The following LARP4B variants were observed in gnomAD, a reference collection of about 807,000 sequenced individuals.
LARP4B encodes La ribonucleoprotein 4B, also known as la-related protein 4B.
A neutral mutation model predicts 89.8 loss-of-function variants in LARP4B; 12 were observed. The ratio of observed to expected loss-of-function variants is 0.13; its 90% confidence interval spans 0.09 to 0.22. LARP4B has a LOEUF of 0.22. Ranked by LOEUF, LARP4B falls within the 10% of genes least tolerant of loss-of-function variation. The pLI is 1.00. For missense variants in LARP4B, 757 were observed against 947.7 expected (o/e 0.80, Z 2.64); for synonymous variants, 367 against 363.3 (o/e 1.01, Z -0.12).
intron 1 of LARP4B, among the ~76,000 whole-genome samples, chr10:917,673 G>A (rs1391950587): frequency 6.6e-6 from 1 of 152,214 alleles, no homozygotes; most frequent in Non-Finnish European, 1.5e-5. Context: ...ACCTCAAGAA[G>A]AGAGGAATTC....
chr10:909,020 C>T (rs1263210906), intron 1 of LARP4B, among the ~76,000 whole-genome samples: 12 of 152,186 alleles, frequency 7.9e-5, no homozygotes, highest in South Asian at 4.2e-4. Context: ...TGCGGCCAGG[C>T]GCGGTGGCTC....
the LARP4B span, among the ~76,000 whole-genome samples, chr10:970,808 A>G: frequency 0.98 from 149,158 of 152,112 alleles, 73,200 homozygotes; most frequent in Middle Eastern, 1. Context: ...AAGCAGAGCC[A>G]GAGGGATTAG....
intron 4 of LARP4B, 111 bp from the exon 5 acceptor site, chr10:863,994 G>A: frequency 1.3e-6 from 2 of 1,544,622 alleles, no homozygotes; most frequent in Non-Finnish European, 1.8e-6. Flanking sequence ...AAGACCTCTG[G>A]GCTCTCAAGC....
At chr10:912,227 C>T (rs1490739475) in intron 1 of LARP4B, among the ~76,000 whole-genome samples, 1 of 151,738 alleles carries the variant, frequency 6.6e-6, no homozygotes, top group Non-Finnish European at 1.5e-5. Context: ...CTGGGCCACA[C>T]TGATCTTGGG....
At chr10:968,737 G>A in the LARP4B span, among the ~76,000 whole-genome samples, 2 of 152,252 alleles carry the variant, frequency 1.3e-5, no homozygotes, top group African/African-American at 2.4e-5. Flanking sequence ...GGCAACATCG[G>A]GAGGAAATGC....
intron 7 of LARP4B, among the ~76,000 whole-genome samples, chr10:837,518 G>A (rs1833284099): frequency 6.6e-6 from 1 of 152,184 alleles, no homozygotes; most frequent in African/African-American, 2.4e-5. Flanking sequence ...AAGGGCCACA[G>A]CAAAGCTGGA....
At chr10:877,084 G>A (rs1835486232) in intron 3 of LARP4B, among the ~76,000 whole-genome samples, 1 of 152,178 alleles carries the variant, frequency 6.6e-6, no homozygotes, top group African/African-American at 2.4e-5. Flanking sequence ...CAAGCCTGTG[G>A]AGGGCCCCCA....
chr10:849,722 T>C (rs1052688927), intron 5 of LARP4B, among the ~76,000 whole-genome samples: 2 of 152,134 alleles, frequency 1.3e-5, no homozygotes, highest in Admixed American at 6.5e-5. Context: ...GTGATCAAGA[T>C]CAACACCAAC....
At chr10:908,457 T>C (rs58645764) in intron 1 of LARP4B, among the ~76,000 whole-genome samples, 1,882 of 152,172 alleles carry the variant, frequency 0.012, 42 homozygotes, top group African/African-American at 0.043. Flanking sequence ...GCCATGGGGA[T>C]CCTAGGAAGC....
Position 822,524 on chromosome 10 carries a change from G to A in LARP4B, c.1485-1679C>T, listed in dbSNP as rs1289582793. On this transcript the variant is annotated intron_variant, in intron 13 of 17. Coordinates refer to ENST00000316157, the MANE Select transcript of LARP4B (RefSeq NM_015155.3). This position sits in a 1 kb window ranked among gnomAD's most constrained non-coding sequence, Gnocchi z 4.6. ...CAACACTCCCCCACACCCTCACTGG[G>A]CTCCACGTAACCCGTGTCAGACCCA... Among the ~76,000 whole-genome samples the A allele has an allele frequency of 6.6e-6, 1 of 152,174 alleles. No homozygotes were observed. Among genetic ancestry groups the A allele is most frequent in the Non-Finnish European group, 1.5e-5 (1 of 68,026 alleles).
the LARP4B span, among the ~76,000 whole-genome samples, chr10:973,777 A>G: frequency 4.6e-5 from 7 of 152,144 alleles, no homozygotes; most frequent in East Asian, 1.9e-4. Context: ...GGTTACATGC[A>G]CTAGATCTTA....
In LARP4B at chr10:814,890, T is replaced by C. The variant is rs1381562692; in HGVS notation, c.1821-40A>G. 6.3e-7 allele frequency: 1 copy of C among 1,579,666 alleles called. No individual in the cohort carries two copies. The highest frequency in any genetic ancestry group is 1.3e-5 in the African/African-American group (1 of 74,352). Reference sequence around the variant, plus strand: ...CCCGATATTTGAATCTCATGCAACATCACAGGCCATTCAAGTCAGTCAACA... The same window carrying C: ...CCCGATATTTGAATCTCATGCAACACCACAGGCCATTCAAGTCAGTCAACA... On this transcript the variant is annotated intron_variant, in intron 16 of 17. Coordinates refer to ENST00000316157, the MANE Select transcript of LARP4B (RefSeq NM_015155.3). The surrounding 1 kb of genome is among the most constrained non-coding windows in gnomAD (Gnocchi z 4.4).
chr10:817,338 C>T (rs1169419680), intron 15 of LARP4B, among the ~76,000 whole-genome samples: 2 of 152,224 alleles, frequency 1.3e-5, no homozygotes, highest in African/African-American at 4.8e-5. Context: ...CTCCTTGTCT[C>T]ATGTAGATTA....
the LARP4B span, among the ~76,000 whole-genome samples, chr10:981,176 C>T: frequency 6.6e-6 from 1 of 152,214 alleles, no homozygotes; most frequent in African/African-American, 2.4e-5. Context: ...CAATAATTTC[C>T]TCATTTCTAT....
chr10:927,370 G>C (rs2132063449), intron 1 of LARP4B, among the ~76,000 whole-genome samples: 1 of 152,234 alleles, frequency 6.6e-6, no homozygotes, highest in South Asian at 2.1e-4. Context: ...TTACACACAG[G>C]AAAAACAAAG....
chr10:932,759 G>T (rs1213298379), upstream of LARP4B, among the ~76,000 whole-genome samples: 1 of 129,216 alleles, frequency 7.7e-6, no homozygotes, highest in East Asian at 2.4e-4. Flanking sequence ...GAAGGTCCCG[G>T]CCCCGAAGTC....
At chr10:979,436 A>G in the LARP4B span, among the ~76,000 whole-genome samples, 1 of 152,132 alleles carries the variant, frequency 6.6e-6, no homozygotes, top group Non-Finnish European at 1.5e-5. Flanking sequence ...TAAGGAGGAG[A>G]GACTGCTCTG....
intron 15 of LARP4B, 97 bp downstream of exon 15, chr10:817,628 A>G: frequency 1.6e-6 from 2 of 1,224,658 alleles, no homozygotes; most frequent in Non-Finnish European, 2.3e-6. Flanking sequence ...CTTGAGTATT[A>G]AAAACAAACA....
intron 5 of LARP4B, among the ~76,000 whole-genome samples, chr10:851,401 C>G (rs1348082252): frequency 6.6e-6 from 1 of 152,086 alleles, no homozygotes; most frequent in Non-Finnish European, 1.5e-5. Flanking sequence ...CCAGGCTGGT[C>G]TTGAACTCTT....
Sources: gnomAD v4.1 joint callset for allele counts (sites outside exome capture counted in the v4.1 genomes callset) on GRCh38, gnomAD v4.1.1 for gene constraint, Gnocchi (gnomAD v3.1) non-coding constraint, MANE v1.5 for transcripts, NCBI Gene and HGNC (gene_info 2026-07-23, HGNC 2026-07-21) for gene names.